The following CHCHD6 variants were observed in gnomAD, a reference collection of about 807,000 sequenced individuals.
CHCHD6 encodes the protein MICOS complex subunit MIC25.
CHCHD6 carries 28 observed loss-of-function variants against 32.3 expected under a neutral mutation model. The ratio of observed to expected loss-of-function variants is 0.87; its 90% CI spans 0.64 to 1.19. The LOEUF (loss-of-function observed/expected upper bound fraction) is 1.19. CHCHD6 is among the 50% of genes most tolerant of loss of function. The pLI, the probability that CHCHD6 is intolerant of heterozygous loss-of-function variation, is 0.00. For synonymous variants in CHCHD6, 122 were observed against 117.5 expected (o/e 1.04, Z -0.25); for missense variants, 333 against 307.0 (o/e 1.08, Z -0.63).
At chr3:126,806,362 A>C (rs1939379189) in intron 4 of CHCHD6, among the ~76,000 whole-genome samples, 1 of 152,298 alleles carries the variant, frequency 6.6e-6, no homozygotes, top group Non-Finnish European at 1.5e-5. Context: ...CAAGAAAAAA[A>C]CAACCCCATC....
chr3:126,809,550 GA>G (rs1277737265), intron 4 of CHCHD6, among the ~76,000 whole-genome samples: 1 of 152,226 alleles, frequency 6.6e-6, no homozygotes, highest in Non-Finnish European at 1.5e-5. Context: ...TTTTCACTCA[GA>G]ATTGTGTAAG....
chr3:126,734,468 A>G (rs1185523674), intron 4 of CHCHD6, among the ~76,000 whole-genome samples: 2 of 152,246 alleles, frequency 1.3e-5, no homozygotes, highest in Non-Finnish European at 2.9e-5. Flanking sequence ...GAGGCCAGAC[A>G]TGCTGGCTGG....
chr3:126,889,917 G>C (rs2077732825), intron 5 of CHCHD6, among the ~76,000 whole-genome samples: 1 of 152,244 alleles, frequency 6.6e-6, no homozygotes. Context: ...TTTGTGGTTT[G>C]TTGGTACCCT....
intron 2 of CHCHD6, among the ~76,000 whole-genome samples, chr3:126,729,779 T>C (rs114208727): frequency 0.015 from 2,312 of 152,254 alleles, 31 homozygotes; most frequent in Non-Finnish European, 0.024. Context: ...CTGGTTCTTA[T>C]GTTATGCTCT....
At position 126,785,215 on chromosome 3, in the gene CHCHD6, C is replaced by T. The variant is rs932292592; in HGVS notation, c.411+51993C>T. 7.9e-5 allele frequency among the ~76,000 whole-genome samples: 12 copies of T among 152,054 alleles called. 1 individual carries two copies. The highest frequency in any genetic ancestry group is 5.9e-4 in the Admixed American group (9 of 15,258). On this transcript the variant is annotated intron_variant, in intron 4 of 7. Transcript: ENST00000290913. Reference sequence around the variant, plus strand: ...TTCATTATAGAAAGTTTAGCAGAATCCCTGGCCTCTACTCACTAGATGCCA... The same window carrying T: ...TTCATTATAGAAAGTTTAGCAGAATTCCTGGCCTCTACTCACTAGATGCCA...
intron 4 of CHCHD6, among the ~76,000 whole-genome samples, chr3:126,818,632 A>G (rs926058184): frequency 6.6e-6 from 1 of 152,216 alleles, no homozygotes; most frequent in Non-Finnish European, 1.5e-5. Context: ...TCTCCTGCCC[A>G]CAGAGGCTGA....
chr3:126,798,125 G>T (rs1240942621), intron 4 of CHCHD6, among the ~76,000 whole-genome samples: 6 of 152,176 alleles, frequency 3.9e-5, no homozygotes, highest in African/African-American at 1.4e-4. Flanking sequence ...AAAAGCAAGT[G>T]GTGTGCTGGA....
In CHCHD6 at chr3:126,924,674, TCTC is replaced by T. The variant is rs559254604; in HGVS notation, c.566+9927_566+9929del. 6.6e-5 allele frequency among the ~76,000 whole-genome samples: 10 copies of T among 152,290 alleles called. No individual in the cohort carries two copies. The East Asian group carries it at 1.9e-3, about 29-fold the overall frequency. Reference sequence around the variant, plus strand: ...TGACCCTCTGAGGTGTATGAGGCAATCTCCTTTCCTCGTGAACTTGAGCTGTGG... The same window carrying T: ...TGACCCTCTGAGGTGTATGAGGCAATCTTTCCTCGTGAACTTGAGCTGTGG... On this transcript the variant is annotated intron_variant, in intron 6 of 7. Coordinates refer to ENST00000290913, the MANE Select transcript of CHCHD6 (RefSeq NM_032343.3).
chr3:126,959,830 T>A (rs925478684), intron 7 of CHCHD6, among the ~76,000 whole-genome samples: 43 of 152,208 alleles, frequency 2.8e-4, no homozygotes, highest in Admixed American at 2.8e-3. Flanking sequence ...GAGGCCTTGA[T>A]GAGGCAGAGC....
intron 4 of CHCHD6, among the ~76,000 whole-genome samples, chr3:126,848,893 A>G (rs1941378395): frequency 6.6e-6 from 1 of 152,162 alleles, no homozygotes; most frequent in Non-Finnish European, 1.5e-5. Context: ...ATTTCTTCCC[A>G]TATTTGAGAT....
intron 5 of CHCHD6, among the ~76,000 whole-genome samples, chr3:126,871,501 C>T (rs1234260169): frequency 6.6e-6 from 1 of 152,000 alleles, no homozygotes; most frequent in Non-Finnish European, 1.5e-5. Flanking sequence ...TGATAGAAAT[C>T]ACCTCTGTTC....
chr3:126,822,657 A>T (rs1940199857), intron 4 of CHCHD6, among the ~76,000 whole-genome samples: 1 of 152,218 alleles, frequency 6.6e-6, no homozygotes, highest in Admixed American at 6.5e-5. Context: ...AGATCAGTTA[A>T]ATCTTTCTCA....
intron 5 of CHCHD6, among the ~76,000 whole-genome samples, chr3:126,893,812 G>A (rs761974696): frequency 1.3e-5 from 2 of 152,214 alleles, no homozygotes; most frequent in Non-Finnish European, 2.9e-5. Context: ...CTGGAAGAGA[G>A]ACCACTCAAA....
intron 4 of CHCHD6, among the ~76,000 whole-genome samples, chr3:126,836,094 C>T (rs1559872384): frequency 6.6e-6 from 1 of 152,174 alleles, no homozygotes; most frequent in African/African-American, 2.4e-5. Flanking sequence ...TAGATCATAT[C>T]GCTATCTTGC....
intron 6 of CHCHD6, among the ~76,000 whole-genome samples, chr3:126,920,994 G>A (rs1371292418): frequency 6.6e-6 from 1 of 151,934 alleles, no homozygotes; most frequent in East Asian, 1.9e-4. Context: ...GAAGAGCATA[G>A]GCCTTTCACA....
chr3:126,960,336 T>G lies in CHCHD6; in HGVS notation c.*135T>G, dbSNP rs1221472997. On this transcript the variant is annotated 3_prime_UTR_variant, in exon 8 of 8. Transcript: ENST00000290913. The stretch of plus-strand genomic sequence containing the variant: ...TGCCCCTGAGCCTGGGGCTGCCACG[T>G]GTTTAGGAAACAAAGTATGCGCTAC... The G allele has an allele frequency of 9.8e-7, 1 of 1,018,870 alleles. No individual in the cohort carries two copies. Among genetic ancestry groups the G allele is most frequent in the African/African-American group, 1.6e-5 (1 of 62,594 alleles). The allele number at this position is 1,018,870 out of a possible 1,614,324, so 63.1% of individuals were successfully genotyped here.
chr3:126,715,645 C>A (rs1371845721), intron 1 of CHCHD6, among the ~76,000 whole-genome samples: 1 of 152,164 alleles, frequency 6.6e-6, no homozygotes, highest in Non-Finnish European at 1.5e-5. Flanking sequence ...GAACATGACA[C>A]ACCCACACAG....
chr3:126,869,288 C>CTTTTTTTTTT (rs58408227), intron 5 of CHCHD6, among the ~76,000 whole-genome samples: 4 of 108,676 alleles, frequency 3.7e-5, no homozygotes, highest in Admixed American at 9.6e-5. Context: ...CACCAGTCTC[C>CTTTTTTTTTT]TTTTTTTTTT....
At chr3:126,786,924 C>T (rs1175459954) in intron 4 of CHCHD6, among the ~76,000 whole-genome samples, 7 of 152,224 alleles carry the variant, frequency 4.6e-5, no homozygotes, top group East Asian at 3.9e-4. Flanking sequence ...AATGGTATTG[C>T]CTATGTTTTC....
Sources: gnomAD v4.1 joint callset for allele counts (sites outside exome capture counted in the v4.1 genomes callset) on GRCh38, gnomAD v4.1.1 for gene constraint, MANE v1.5 for transcripts, NCBI Gene and HGNC (gene_info 2026-07-23, HGNC 2026-07-21) for gene names.